CERK: variants seen among roughly 807,000 people sequenced by gnomAD.
The protein encoded by CERK is ceramide kinase, also known as acylsphingosine kinase.
A neutral mutation model predicts 63.4 loss-of-function variants in CERK; 39 were observed. The observed-to-expected ratio is 0.61, with a 90% CI of 0.48 to 0.80. The LOEUF (loss-of-function observed/expected upper bound fraction) is 0.80, where lower values mean the gene tolerates loss of function less well. CERK is among the 30% of genes least tolerant of loss of function. The pLI is 0.00. For synonymous variants in CERK, 302 were observed against 280.0 expected (o/e 1.08, Z -0.78); for missense variants, 670 against 714.1 (o/e 0.94, Z 0.70).
At chr22:46,726,669 C>T (rs1040670907) in intron 1 of CERK, among the ~76,000 whole-genome samples, 1 of 152,178 alleles carries the variant, frequency 6.6e-6, no homozygotes, top group Non-Finnish European at 1.5e-5. Context: ...TGAGTGCTTG[C>T]CTATGCCAAG....
At chr22:46,691,150 C>T (rs934979925) in intron 11 of CERK, among the ~76,000 whole-genome samples, 8 of 152,152 alleles carry the variant, frequency 5.3e-5, no homozygotes, top group Non-Finnish European at 7.3e-5. Flanking sequence ...TCTCAGCTCA[C>T]TGTAGCCTCC....
intron 1 of CERK, among the ~76,000 whole-genome samples, chr22:46,737,129 A>G (rs1298878519): frequency 6.6e-6 from 1 of 152,084 alleles, no homozygotes; most frequent in Non-Finnish European, 1.5e-5. Flanking sequence ...CCCTGTCTCT[A>G]CTAAAATACA....
At chr22:46,715,593 G>A (rs534479155) in intron 3 of CERK, among the ~76,000 whole-genome samples, 1 of 152,308 alleles carries the variant, frequency 6.6e-6, no homozygotes, top group East Asian at 1.9e-4. Context: ...GGCTGAGGCA[G>A]GAGGATCGCT....
Position 46,738,130 on chromosome 22 carries a change from C to CCGCCCCCGT in CERK, c.10_18dup (p.Thr4_Ala6dup). The CCGCCCCCGT allele has an allele frequency of 1.1e-5, 14 of 1,227,438 alleles. No homozygotes were observed. Among genetic ancestry groups the CCGCCCCCGT allele is most frequent in the Non-Finnish European group, 1.4e-5 (14 of 979,610 alleles). 76.0% of individuals were successfully genotyped at this position (1,227,438 alleles called of 1,614,324 possible). On this transcript the variant is annotated inframe_insertion, in exon 1 of 13. Coordinates refer to ENST00000216264, the MANE Select transcript of CERK (RefSeq NM_022766.6). ...CACAGCACGGATTGCAGCGGCTCCG[C>CCGCCCCCGT]CGCCCCCGTCGCCCCCATCTCCGCC...
intron 6 of CERK, among the ~76,000 whole-genome samples, chr22:46,707,295 T>C (rs1345989599): frequency 6.6e-6 from 1 of 152,144 alleles, no homozygotes; most frequent in Admixed American, 6.5e-5. Context: ...AGCTTAACAC[T>C]GTGATTTTTC....
intron 1 of CERK, among the ~76,000 whole-genome samples, chr22:46,723,380 A>G (rs1469995661): frequency 6.6e-6 from 1 of 152,190 alleles, no homozygotes; most frequent in Non-Finnish European, 1.5e-5. Flanking sequence ...GCACTTTGGG[A>G]GGCCGAGGCA....
intron 3 of CERK, among the ~76,000 whole-genome samples, chr22:46,718,936 C>A (rs1302220420): frequency 6.6e-6 from 1 of 152,018 alleles, no homozygotes; most frequent in Non-Finnish European, 1.5e-5. Flanking sequence ...GGCGTGGTGG[C>A]ACACACCTGT....
chr22:46,719,565 G>A (rs113887462), intron 3 of CERK, among the ~76,000 whole-genome samples: 3 of 152,210 alleles, frequency 2.0e-5, no homozygotes, highest in East Asian at 1.9e-4. Context: ...CCAGCTACTC[G>A]GGAGGCTGAG....
chr22:46,708,108 G>C (rs1353589920), intron 5 of CERK, 120 bp from the exon 6 acceptor site: 9 of 1,176,092 alleles, frequency 7.7e-6, no homozygotes, highest in Middle Eastern at 2.5e-4. Context: ...CAGGCATCTA[G>C]AAGTGCGGCT....
At chr22:46,721,646 C>T (rs926702210) in intron 1 of CERK, among the ~76,000 whole-genome samples, 3 of 152,130 alleles carry the variant, frequency 2.0e-5, no homozygotes, top group South Asian at 2.1e-4. Context: ...GAAACATGCT[C>T]GAGACATGGC....
At chr22:46,721,892 C>T (rs1341326195) in intron 1 of CERK, among the ~76,000 whole-genome samples, 1 of 152,146 alleles carries the variant, frequency 6.6e-6, no homozygotes, top group Non-Finnish European at 1.5e-5. Flanking sequence ...CCACCTGGGG[C>T]GTGTTCATCT....
In CERK at chr22:46,699,225, C is replaced by G. The variant is rs1186921176; in HGVS notation, c.943+88G>C. The G allele has an allele frequency of 3.6e-5, 49 of 1,374,906 alleles. 1 individual carries two copies. The South Asian group carries it at 5.8e-4, about 16-fold the overall frequency. The allele number at this position is 1,374,906 out of a possible 1,614,324, so 85.2% of individuals were successfully genotyped here. ...TGAGCAGGTGGGGGCCCACCTCTGA[C>G]GGTGCTCAGTGGATTCAGTCAGGTA... On this transcript the variant is annotated intron_variant, in intron 8 of 12. Coordinates refer to ENST00000216264, the MANE Select transcript of CERK (RefSeq NM_022766.6).
At chr22:46,717,304 G>A (rs8138830) in intron 3 of CERK, among the ~76,000 whole-genome samples, 4,706 of 152,276 alleles carry the variant, frequency 0.031, 250 homozygotes, top group African/African-American at 0.11. Flanking sequence ...AAATGCAGAC[G>A]GGTGCAAAAG....
chr22:46,724,878 G>A (rs748828484), intron 1 of CERK, among the ~76,000 whole-genome samples: 5 of 152,114 alleles, frequency 3.3e-5, no homozygotes, highest in East Asian at 1.9e-4. Context: ...AAAATTAGCC[G>A]GGTGTGGTGG....
chr22:46,707,939 G>T lies in CERK; in HGVS notation c.619C>A (p.Leu207Met). 6.2e-7 allele frequency: 1 copy of T among 1,613,834 alleles called. No homozygotes were observed. The highest frequency in any genetic ancestry group is 8.5e-7 in the Non-Finnish European group (1 of 1,179,978). The change falls in exon 6 of 13, where the codon CTG (leucine) becomes ATG (methionine). Residue 207 changes from leucine to methionine, a missense_variant. Physicochemically the swap from Leu to Met is conservative, Grantham distance 15. Transcript: ENST00000216264. ...DGMFSEVLHG[L>M]IGRTQRSAGV... ...GCGCTCCTCTGCGTCCTCCCAATCA[G>T]ACCGTGCAGCACCTCGCTGAACATA... is the stretch of plus-strand genomic sequence containing the variant.
rs931981826 is a variant in CERK at position 46,686,864 on chromosome 22, C to T, written c.*270G>A. On this transcript the variant is annotated 3_prime_UTR_variant, in exon 13 of 13. Transcript: ENST00000216264. ...ATTTTCTAAACTACACTGTTGACAT[C>T]GTTAAAACCTAAGAGGCCAGTGCCC... 7 of 438,884 alleles carry T rather than the reference C, an allele frequency of 1.6e-5. No homozygotes were observed. Among genetic ancestry groups the T allele is most frequent in the Admixed American group, 3.6e-5 (1 of 27,476 alleles). The allele number at this position is 438,884 out of a possible 1,614,324, so 27.2% of individuals were successfully genotyped here. A position where few individuals can be genotyped will look rare whatever the true frequency, so the allele number is the denominator to read the frequency against.
intron 2 of CERK, 123 bp downstream of exon 2, chr22:46,720,779 G>A (rs1476977632): frequency 3.3e-6 from 2 of 604,876 alleles, no homozygotes; most frequent in African/African-American, 1.9e-5. Flanking sequence ...GAAAAAAATA[G>A]GAAGATTTCA....
chr22:46,700,142 C>T (rs1450553875), intron 7 of CERK, among the ~76,000 whole-genome samples: 2 of 152,064 alleles, frequency 1.3e-5, no homozygotes, highest in African/African-American at 4.8e-5. Flanking sequence ...GTAAGTAACC[C>T]CAGCACTTTG....
chr22:46,688,532 G>C (rs1038923911), intron 12 of CERK, among the ~76,000 whole-genome samples: 1 of 152,238 alleles, frequency 6.6e-6, no homozygotes, highest in Non-Finnish European at 1.5e-5. Context: ...GAAAGGGGGC[G>C]CGTGGCCCTG....
Sources: allele counts gnomAD v4.1 joint callset (sites outside exome capture counted in the v4.1 genomes callset), GRCh38; gene constraint gnomAD v4.1.1; transcripts MANE v1.5; gene names NCBI Gene and HGNC (gene_info 2026-07-23, HGNC 2026-07-21).